EPHA4: variants seen among roughly 807,000 people sequenced by gnomAD.
EPHA4 encodes the protein ephrin type-A receptor 4.
In EPHA4, 19 loss-of-function variants were observed where a neutral mutation model predicts 108.3. The ratio of observed to expected loss-of-function variants is 0.18; its 90% CI spans 0.12 to 0.26. The LOEUF (loss-of-function observed/expected upper bound fraction) is 0.26, where lower values mean the gene tolerates loss of function less well. EPHA4 is among the 10% of genes least tolerant of loss of function. EPHA4 has a pLI of 1.00. For synonymous variants in EPHA4, 449 were observed against 455.5 expected, an observed-to-expected ratio of 0.99 and a Z score of 0.18; for missense variants, 917 against 1,254.0, an observed-to-expected ratio of 0.73 and a Z score of 4.06.
chr2:221,465,405 C>T (rs1389055607), intron 5 of EPHA4, among the ~76,000 whole-genome samples: 2 of 152,106 alleles, frequency 1.3e-5, no homozygotes, highest in Non-Finnish European at 2.9e-5. Context: ...TTACAGAGAG[C>T]TATTGGTTAA....
intron 3 of EPHA4, among the ~76,000 whole-genome samples, chr2:221,501,893 G>T (rs1039564432): frequency 1.4e-4 from 22 of 152,164 alleles, no homozygotes; most frequent in African/African-American, 5.1e-4. Flanking sequence ...AGTATGCTAA[G>T]ATTTGTTTTT....
At position 221,420,328 on chromosome 2, in the gene EPHA4, T is replaced by A. The variant is rs1689721171; in HGVS notation, c.*1044A>T. 1 of 152,698 alleles carries A rather than the reference T, an allele frequency of 6.5e-6. No homozygotes were observed. The highest frequency in any genetic ancestry group is 1.5e-5 in the Non-Finnish European group (1 of 68,054). 9.5% of individuals were successfully genotyped at this position (152,698 alleles called of 1,614,324 possible). ...GCAACTGGAGAACAGATGCTGAATC[T>A]TAAGTGTTTGCTGTTTCTTTCACTG... On this transcript the variant is annotated 3_prime_UTR_variant, in exon 18 of 18. Coordinates refer to ENST00000281821, the MANE Select transcript of EPHA4 (RefSeq NM_004438.5).
At chr2:221,493,651 T>G (rs1692219897) in intron 4 of EPHA4, among the ~76,000 whole-genome samples, 1 of 152,170 alleles carries the variant, frequency 6.6e-6, no homozygotes. Context: ...CAGAAAGCAT[T>G]AGCAGCGAGG....
chr2:221,441,366 C>G (rs1690423727), intron 11 of EPHA4, among the ~76,000 whole-genome samples: 1 of 151,796 alleles, frequency 6.6e-6, no homozygotes, highest in African/African-American at 2.4e-5. Flanking sequence ...TGCAAAGGCC[C>G]CACCTTCAAC....
intron 2 of EPHA4, 135 bp downstream of exon 2, chr2:221,568,583 T>C: frequency 1.7e-6 from 1 of 604,946 alleles, no homozygotes; most frequent in Non-Finnish European, 2.8e-6. Context: ...CAACAAAGCG[T>C]AATTCACTTC....
chr2:221,441,454 G>C (rs1047825243), intron 11 of EPHA4, among the ~76,000 whole-genome samples: 1 of 151,766 alleles, frequency 6.6e-6, no homozygotes, highest in African/African-American at 2.4e-5. Flanking sequence ...CCCCTTTCCA[G>C]CTCCCCATCC....
intron 4 of EPHA4, among the ~76,000 whole-genome samples, chr2:221,500,319 C>T (rs539273100): frequency 5.3e-5 from 8 of 152,250 alleles, no homozygotes; most frequent in African/African-American, 1.9e-4. Flanking sequence ...TTCATGGGCC[C>T]AGTGCTCCCC....
chr2:221,507,310 A>G (rs1692661518), intron 3 of EPHA4, among the ~76,000 whole-genome samples: 1 of 152,206 alleles, frequency 6.6e-6, no homozygotes, highest in Non-Finnish European at 1.5e-5. Context: ...CTTACTGGAA[A>G]AGCTGATTTT....
At position 221,463,108 on chromosome 2, in the gene EPHA4, G is replaced by C. The variant is rs376070900; in HGVS notation, c.1319-5118C>G. On this transcript the variant is annotated intron_variant, in intron 5 of 17. Transcript: ENST00000281821. ...ACCAATGGACATAAACTTGAAACAT[G>C]GGGGTAATAGGGTGGAGAGCCCTTT... is the stretch of plus-strand genomic sequence containing the variant. 3.5e-4 allele frequency among the ~76,000 whole-genome samples: 54 copies of C among 152,294 alleles called. 3 individuals carry two copies. The South Asian group carries it at 0.011, about 32-fold the overall frequency.
intron 3 of EPHA4, among the ~76,000 whole-genome samples, chr2:221,541,577 G>A (rs1693841301): frequency 6.6e-6 from 1 of 152,148 alleles, no homozygotes; most frequent in Non-Finnish European, 1.5e-5. Context: ...TAAAGTGTGT[G>A]GGAAGCTGTA....
chr2:221,501,351 T>C (rs1053233186), intron 3 of EPHA4, 179 bp from the exon 4 acceptor site: 1 of 499,238 alleles, frequency 2.0e-6, no homozygotes, highest in Non-Finnish European at 3.4e-6. Context: ...AGTCGCTCTT[T>C]AAGGGCCATT....
chr2:221,446,238 A>G, intron 8 of EPHA4, 57 bp from the exon 9 acceptor site: 2 of 1,084,486 alleles, frequency 1.8e-6, no homozygotes, highest in Non-Finnish European at 1.3e-6. Context: ...AAGCTTTAAC[A>G]CATGCCATAA....
chr2:221,456,898 C>T (rs765582093), intron 6 of EPHA4, 126 bp from the exon 7 acceptor site: 18 of 940,008 alleles, frequency 1.9e-5, no homozygotes, highest in Non-Finnish European at 2.7e-5. Flanking sequence ...GATGAATAAA[C>T]TCTCTGGAGC....
intron 11 of EPHA4, chr2:221,437,405 T>C (rs1029952247): frequency 6.9e-6 from 2 of 289,472 alleles, no homozygotes; most frequent in African/African-American, 4.3e-5. Flanking sequence ...GAATGGATAA[T>C]TGCTCTCTCA....
intron 5 of EPHA4, among the ~76,000 whole-genome samples, chr2:221,479,141 T>C (rs1209871890): frequency 3.3e-5 from 5 of 152,238 alleles, no homozygotes; most frequent in Non-Finnish European, 7.3e-5. Context: ...GTCTCATAAA[T>C]GGGGAGAATG....
intron 3 of EPHA4, 57 bp downstream of exon 3, chr2:221,563,674 T>C: frequency 6.4e-7 from 1 of 1,570,952 alleles, no homozygotes. Flanking sequence ...GTCTCATCTC[T>C]GATTTAATTA....
chr2:221,447,821 T>TTTATTTATTTATTTA (rs1690639587), intron 8 of EPHA4, among the ~76,000 whole-genome samples: 1 of 147,560 alleles, frequency 6.8e-6, no homozygotes, highest in African/African-American at 2.5e-5. Flanking sequence ...AAGGGTCTAT[T>TTTATTTATTTATTTA]TTTATTTATT....
At chr2:221,565,732 A>T (rs941231425) in intron 2 of EPHA4, among the ~76,000 whole-genome samples, 11 of 152,204 alleles carry the variant, frequency 7.2e-5, no homozygotes, top group Non-Finnish European at 1.0e-4. Flanking sequence ...CCCTGTGGTG[A>T]TGAAAATTTC....
intron 3 of EPHA4, among the ~76,000 whole-genome samples, chr2:221,518,499 T>G (rs879789951): frequency 1.3e-5 from 2 of 152,190 alleles, no homozygotes; most frequent in Non-Finnish European, 2.9e-5. Context: ...TTTGGTAACC[T>G]GTAACCTGTA....
Sources: gnomAD v4.1 joint callset for allele counts (sites outside exome capture counted in the v4.1 genomes callset) on GRCh38, gnomAD v4.1.1 for gene constraint, MANE v1.5 for transcripts, NCBI Gene and HGNC (gene_info 2026-07-23, HGNC 2026-07-21) for gene names.